The following RGS7 variants were observed in gnomAD, a reference collection of about 807,000 sequenced individuals.
RGS7 encodes regulator of G-protein signaling 7.
A neutral mutation model predicts 81.1 loss-of-function variants in RGS7; 27 were observed. The ratio of observed to expected loss-of-function variants is 0.33; its 90% CI spans 0.25 to 0.46. The LOEUF is 0.46. Among genes scored for constraint, RGS7 ranks in the 20% least tolerant of loss-of-function variants. The pLI, the probability that RGS7 is intolerant of heterozygous loss-of-function variation, is 1.00. For missense variants in RGS7, 396 were observed against 607.4 expected, an observed-to-expected ratio of 0.65 and a Z score of 3.66; for synonymous variants, 208 against 207.7, an observed-to-expected ratio of 1.00 and a Z score of -0.01.
At chr1:241,355,646 A>T in intron 2 of RGS7, 53 bp downstream of exon 2, 2 of 1,537,698 alleles carry the variant, frequency 1.3e-6, no homozygotes, top group African/African-American at 1.4e-5. Flanking sequence ...GGGGGAAAAA[A>T]ATCGAGAAAG....
intron 3 of RGS7, among the ~76,000 whole-genome samples, chr1:241,073,627 C>T (rs1445374539): frequency 6.6e-6 from 1 of 152,134 alleles, no homozygotes; most frequent in African/African-American, 2.4e-5. Context: ...GGTGAATCTG[C>T]AAAATTTCAG....
intron 3 of RGS7, among the ~76,000 whole-genome samples, chr1:241,048,905 C>T (rs1172342360): frequency 6.6e-6 from 1 of 152,194 alleles, no homozygotes; most frequent in Non-Finnish European, 1.5e-5. Context: ...GGCGATCTCC[C>T]TGCCTCTTCC....
At chr1:241,088,061 C>A (rs958069792) in intron 3 of RGS7, among the ~76,000 whole-genome samples, 1 of 147,508 alleles carries the variant, frequency 6.8e-6, no homozygotes, top group African/African-American at 2.6e-5. Context: ...TATATACACA[C>A]ACACACATAT....
At chr1:241,114,496 TAA>T (rs377633335) in intron 2 of RGS7, among the ~76,000 whole-genome samples, 1 of 149,728 alleles carries the variant, frequency 6.7e-6, no homozygotes, top group Non-Finnish European at 1.5e-5. Flanking sequence ...ACTTCCACAT[TAA>T]AAAAAAAATT....
intron 3 of RGS7, among the ~76,000 whole-genome samples, chr1:241,044,746 G>A (rs2060824765): frequency 6.6e-6 from 1 of 151,992 alleles, no homozygotes; most frequent in African/African-American, 2.4e-5. Flanking sequence ...TTCTGTTGTT[G>A]TTTTGATATT....
chr1:241,033,650 A>T (rs1012471636), intron 3 of RGS7, among the ~76,000 whole-genome samples: 2 of 151,894 alleles, frequency 1.3e-5, no homozygotes, highest in Non-Finnish European at 2.9e-5. Flanking sequence ...TGTTATGGTG[A>T]TATCAGTTTA....
intron 6 of RGS7, among the ~76,000 whole-genome samples, chr1:240,896,511 GT>G (rs1669119258): frequency 6.6e-6 from 1 of 152,174 alleles, no homozygotes; most frequent in Admixed American, 6.5e-5. Context: ...TGGCTAGCCA[GT>G]TTTCCCAGCA....
intron 18 of RGS7, among the ~76,000 whole-genome samples, chr1:240,797,581 A>G (rs931080222): frequency 1.3e-5 from 2 of 152,098 alleles, no homozygotes; most frequent in Non-Finnish European, 2.9e-5. Context: ...TGAACTCCTG[A>G]CCTCAGGTGA....
intron 2 of RGS7, among the ~76,000 whole-genome samples, chr1:241,234,650 T>C (rs558554095): frequency 2.6e-5 from 4 of 152,222 alleles, no homozygotes; most frequent in Non-Finnish European, 5.9e-5. Context: ...CTGGTCTGCC[T>C]ACTTCTGGGC....
chr1:240,800,780 C>T, intron 17 of RGS7, 59 bp from the exon 18 acceptor site: 3 of 971,990 alleles, frequency 3.1e-6, no homozygotes, highest in South Asian at 3.0e-5. Context: ...CAGAAAGTTC[C>T]AAAGGCACTG....
At chr1:240,790,393 TC>T (rs1387456143) in intron 18 of RGS7, among the ~76,000 whole-genome samples, 1 of 152,028 alleles carries the variant, frequency 6.6e-6, no homozygotes, top group African/African-American at 2.4e-5. Context: ...CCTTAAGTGA[TC>T]CCCACAACCC....
chr1:241,192,676 T>C (rs2072774807), intron 2 of RGS7, among the ~76,000 whole-genome samples: 1 of 152,166 alleles, frequency 6.6e-6, no homozygotes, highest in Non-Finnish European at 1.5e-5. Context: ...GCCAATCTGC[T>C]ATTCCCCATC....
At chr1:241,254,704 T>G (rs2076983666) in intron 2 of RGS7, among the ~76,000 whole-genome samples, 1 of 152,204 alleles carries the variant, frequency 6.6e-6, no homozygotes, top group Admixed American at 6.5e-5. Context: ...TGTATAATTC[T>G]TATGAATAAG....
Position 241,172,315 on chromosome 1 carries a change from C to T in RGS7, c.79-73553G>A, listed in dbSNP as rs115638979. On this transcript the variant is annotated intron_variant, in intron 2 of 18. Coordinates refer to ENST00000440928, the MANE Select transcript of RGS7 (RefSeq NM_001364886.1). ...TATGCTTTTGGATGAATGAACACAC[C>T]GACTTGGATGAGGAAAATGCAAAAG... 7.1e-3 allele frequency among the ~76,000 whole-genome samples: 1,086 copies of T among 151,904 alleles called. 19 individuals carry two copies. Among genetic ancestry groups the T allele is most frequent in the African/African-American group, 0.025 (1,052 of 41,388 alleles).
intron 2 of RGS7, among the ~76,000 whole-genome samples, chr1:241,161,796 C>CA (rs2069706688): frequency 6.6e-6 from 1 of 150,952 alleles, no homozygotes; most frequent in African/African-American, 2.4e-5. Context: ...CGGCTCACTG[C>CA]AACCTCCACC....
At chr1:241,176,464 A>G (rs556758713) in intron 2 of RGS7, among the ~76,000 whole-genome samples, 1 of 152,116 alleles carries the variant, frequency 6.6e-6, no homozygotes, top group East Asian at 1.9e-4. Context: ...AGAATCCTCA[A>G]GTGCATTTCC....
At chr1:240,998,213 T>C (rs1687585882) in intron 3 of RGS7, among the ~76,000 whole-genome samples, 1 of 152,208 alleles carries the variant, frequency 6.6e-6, no homozygotes, top group Non-Finnish European at 1.5e-5. Flanking sequence ...TGTGTCATTT[T>C]TCCCTGACTG....
chr1:241,290,590 A>G (rs2148446383), intron 2 of RGS7, among the ~76,000 whole-genome samples: 1 of 152,340 alleles, frequency 6.6e-6, no homozygotes, highest in Non-Finnish European at 1.5e-5. Flanking sequence ...CTCGCCTAGA[A>G]TAATAAATGA....
intron 2 of RGS7, among the ~76,000 whole-genome samples, chr1:241,322,428 T>C (rs2081265661): frequency 1.3e-5 from 2 of 152,262 alleles, no homozygotes; most frequent in Non-Finnish European, 2.9e-5. Flanking sequence ...ATTCACTCTT[T>C]AACTGATACT....
Sources: allele counts gnomAD v4.1 joint callset (sites outside exome capture counted in the v4.1 genomes callset), GRCh38; gene constraint gnomAD v4.1.1; transcripts MANE v1.5; gene names NCBI Gene and HGNC (gene_info 2026-07-23, HGNC 2026-07-21).